The following FAT3 variants were observed in gnomAD, a reference collection of about 807,000 sequenced individuals.
FAT3 encodes protocadherin Fat 3.
A neutral mutation model predicts 310.2 loss-of-function variants in FAT3; 95 were observed. The observed-to-expected ratio is 0.31, with a 90% CI of 0.26 to 0.36. The LOEUF (loss-of-function observed/expected upper bound fraction) is 0.36. Among genes scored for constraint, FAT3 ranks in the 10% least tolerant of loss-of-function variants. The pLI is 1.00. For synonymous variants in FAT3, 2,314 were observed against 2,192.9 expected, an observed-to-expected ratio of 1.06 and a Z score of -1.54; for missense variants, 5,408 against 5,715.6, an observed-to-expected ratio of 0.95 and a Z score of 1.74.
chr11:92,567,698 A>G (rs1955512407), intron 3 of FAT3, among the ~76,000 whole-genome samples: 1 of 152,040 alleles, frequency 6.6e-6, no homozygotes, highest in Non-Finnish European at 1.5e-5. Context: ...ATGGAATACT[A>G]TGCAGCCATA....
At chr11:92,812,910 G>A (rs1296424628) in intron 13 of FAT3, among the ~76,000 whole-genome samples, 2 of 152,158 alleles carry the variant, frequency 1.3e-5, no homozygotes, top group African/African-American at 4.8e-5. Flanking sequence ...GACACCTGGT[G>A]GGAGGTAATT....
chr11:92,446,651 T>C (rs530016711), intron 2 of FAT3, among the ~76,000 whole-genome samples: 1 of 152,288 alleles, frequency 6.6e-6, no homozygotes, highest in South Asian at 2.1e-4. Context: ...CATACTACCA[T>C]TTTCTTGAAT....
intron 3 of FAT3, among the ~76,000 whole-genome samples, chr11:92,570,139 G>A (rs1955621146): frequency 6.6e-6 from 1 of 152,176 alleles, no homozygotes; most frequent in Admixed American, 6.5e-5. Flanking sequence ...TGAATATGCA[G>A]CAATTGGCAA....
intron 2 of FAT3, among the ~76,000 whole-genome samples, chr11:92,450,639 C>G (rs937268850): frequency 3.9e-5 from 6 of 152,228 alleles, no homozygotes; most frequent in South Asian, 4.1e-4. Flanking sequence ...GAATTTGGAC[C>G]TGTATCTCAA....
At chr11:92,553,953 C>G (rs917979661) in intron 3 of FAT3, among the ~76,000 whole-genome samples, 15 of 151,664 alleles carry the variant, frequency 9.9e-5, no homozygotes, top group African/African-American at 3.6e-4. Flanking sequence ...TTACAGGAGC[C>G]CACTTTTATG....
At chr11:92,808,226 A>C (rs1947562823) in intron 12 of FAT3, among the ~76,000 whole-genome samples, 1 of 152,244 alleles carries the variant, frequency 6.6e-6, no homozygotes, top group Non-Finnish European at 1.5e-5. Flanking sequence ...GAAGACAGGC[A>C]AGTTAACCAA....
At chr11:92,716,132 G>A (rs1214889539) in intron 4 of FAT3, among the ~76,000 whole-genome samples, 1 of 152,044 alleles carries the variant, frequency 6.6e-6, no homozygotes, top group Non-Finnish European at 1.5e-5. Flanking sequence ...AGGTGTGAGG[G>A]GATTGCTATC....
At chr11:92,368,227 T>A (rs1159511196) in intron 2 of FAT3, among the ~76,000 whole-genome samples, 1 of 152,174 alleles carries the variant, frequency 6.6e-6, no homozygotes, top group African/African-American at 2.4e-5. Context: ...TTTTCTCCAG[T>A]GTGGTTGACT....
At chr11:92,786,865 A>G (rs772539132) in intron 7 of FAT3, among the ~76,000 whole-genome samples, 3 of 152,222 alleles carry the variant, frequency 2.0e-5, no homozygotes, top group African/African-American at 4.8e-5. Context: ...CACCAATAGA[A>G]AACTAGTTGA....
chr11:92,522,870 A>G (rs1460521419), intron 2 of FAT3, among the ~76,000 whole-genome samples: 1 of 152,134 alleles, frequency 6.6e-6, no homozygotes, highest in Non-Finnish European at 1.5e-5. Flanking sequence ...CTTCTCATAA[A>G]TATGTATGAT....
intron 6 of FAT3, among the ~76,000 whole-genome samples, chr11:92,767,123 C>T (rs1946333351): frequency 2.0e-5 from 3 of 152,020 alleles, no homozygotes. Context: ...ATGGCGGGCG[C>T]CTGTAATCCC....
At chr11:92,661,157 G>A (rs1942767066) in intron 3 of FAT3, among the ~76,000 whole-genome samples, 2 of 152,220 alleles carry the variant, frequency 1.3e-5, no homozygotes, top group South Asian at 4.1e-4. Context: ...AGAGCTGGGA[G>A]GCAAGGCAGG....
At chr11:92,598,258 A>ACT (rs1939825935) in intron 3 of FAT3, among the ~76,000 whole-genome samples, 1 of 142,186 alleles carries the variant, frequency 7.0e-6, no homozygotes, top group South Asian at 2.2e-4. Context: ...ACAAAGTCTC[A>ACT]CTCTGTCACT....
At chr11:92,343,322 G>A (rs1948319370) in intron 1 of FAT3, among the ~76,000 whole-genome samples, 1 of 121,154 alleles carries the variant, frequency 8.3e-6, no homozygotes, top group South Asian at 2.2e-4. Flanking sequence ...TTTGGTTAGG[G>A]ATTTTTTTTT....
chr11:92,720,625 T>C (rs1425549769), intron 4 of FAT3, among the ~76,000 whole-genome samples: 1 of 152,218 alleles, frequency 6.6e-6, no homozygotes, highest in Admixed American at 6.5e-5. Context: ...TTCTAACACT[T>C]TTAGAAATGT....
At chr11:92,859,515 A>C (rs1169011421) in intron 21 of FAT3, among the ~76,000 whole-genome samples, 193 bp downstream of exon 21, 1 of 152,162 alleles carries the variant, frequency 6.6e-6, no homozygotes, top group Non-Finnish European at 1.5e-5. Context: ...TTCAGCTTCA[A>C]AATTGGCTCT....
chr11:92,662,291 T>G (rs1379810364), intron 3 of FAT3, among the ~76,000 whole-genome samples: 1 of 152,168 alleles, frequency 6.6e-6, no homozygotes, highest in African/African-American at 2.4e-5. Flanking sequence ...GAGGTGGCAT[T>G]TGGGCCTGGG....
At chr11:92,785,725 A>G (rs1285506205) in intron 7 of FAT3, among the ~76,000 whole-genome samples, 2 of 152,166 alleles carry the variant, frequency 1.3e-5, no homozygotes, top group African/African-American at 2.4e-5. Context: ...AAGACAAACC[A>G]TATTCTTGGA....
intron 2 of FAT3, among the ~76,000 whole-genome samples, chr11:92,364,581 G>A (rs147929407): frequency 1.3e-3 from 195 of 152,280 alleles, no homozygotes; most frequent in African/African-American, 2.4e-3. Flanking sequence ...ACAATGTTTC[G>A]TTGAAAAGAA....
Sources: allele counts gnomAD v4.1 joint callset (sites outside exome capture counted in the v4.1 genomes callset), GRCh38; gene constraint gnomAD v4.1.1; transcripts MANE v1.5; gene names NCBI Gene and HGNC (gene_info 2026-07-23, HGNC 2026-07-21).